DNAH3: variants seen among roughly 807,000 people sequenced by gnomAD.
The protein encoded by DNAH3 is axonemal beta dynein heavy chain 3.
A neutral mutation model predicts 432.5 loss-of-function variants in DNAH3; 332 were observed. The observed-to-expected ratio is 0.77, with a 90% confidence interval of 0.70 to 0.84. DNAH3 has a LOEUF of 0.84. Among genes scored for constraint, DNAH3 ranks in the 40% least tolerant of loss-of-function variants. DNAH3 has a pLI of 0.00. For missense variants in DNAH3, 4,861 were observed against 5,114.0 expected (o/e 0.95, Z 1.51); for synonymous variants, 1,956 against 1,900.2 (o/e 1.03, Z -0.76).
At chr16:20,973,231 C>G (rs531991156) in intron 51 of DNAH3, among the ~76,000 whole-genome samples, 2 of 152,050 alleles carry the variant, frequency 1.3e-5, no homozygotes, top group South Asian at 4.2e-4. Context: ...GCTGTCAACT[C>G]TCATATGCCC....
At position 21,121,839 on chromosome 16, in the gene DNAH3, C is replaced by T; in HGVS notation, c.1584+106G>A. The stretch of plus-strand genomic sequence containing the variant: ...CAGGATATATCTCCAAAGTGAAGCT[C>T]CCTTAACTGAATATCCCAGCGACCT... On this transcript the variant is annotated intron_variant, in intron 10 of 61. Transcript: ENST00000261383. The T allele has an allele frequency of 1.0e-5, 9 of 877,680 alleles. No individual in the cohort carries two copies. The South Asian group carries it at 1.6e-4, about 16-fold the overall frequency. The allele number at this position is 877,680 out of a possible 1,614,324, so 54.4% of individuals were successfully genotyped here. A position where few individuals can be genotyped will look rare whatever the true frequency, so the allele number is the denominator to read the frequency against.
chr16:21,010,128 C>G (rs1249064173), intron 41 of DNAH3, among the ~76,000 whole-genome samples: 1 of 152,154 alleles, frequency 6.6e-6, no homozygotes, highest in African/African-American at 2.4e-5. Context: ...TATCAAACAT[C>G]TAGCATAGTT....
chr16:21,033,185 A>G (rs2088978410), intron 36 of DNAH3, among the ~76,000 whole-genome samples: 1 of 152,206 alleles, frequency 6.6e-6, no homozygotes, highest in African/African-American at 2.4e-5. Context: ...AGGCTAGGAT[A>G]ACCCCCAAAA....
chr16:21,154,051 T>C (rs1038787971), intron 1 of DNAH3, among the ~76,000 whole-genome samples: 1 of 152,230 alleles, frequency 6.6e-6, no homozygotes, highest in Non-Finnish European at 1.5e-5. Flanking sequence ...AGGTCTCCTA[T>C]ACTGGGTGTG....
intron 31 of DNAH3, among the ~76,000 whole-genome samples, chr16:21,045,840 C>T (rs1421447969): frequency 7.0e-6 from 1 of 141,866 alleles, no homozygotes; most frequent in Non-Finnish European, 1.5e-5. Flanking sequence ...CTACACACTG[C>T]TTTGAATGCG....
Position 21,031,291 on chromosome 16 carries a change from G to A in DNAH3, c.5198-5C>T. Reference sequence around the variant, plus strand: ...CAAACTCCTCCATCTGATTGGCTGGGCAAGAAGGTTCAACACCAGTTATAA... The same window carrying A: ...CAAACTCCTCCATCTGATTGGCTGGACAAGAAGGTTCAACACCAGTTATAA... On this transcript the variant is annotated splice_polypyrimidine_tract_variant and splice_region_variant and intron_variant, in intron 36 of 61. Transcript: ENST00000261383. 1.2e-6 allele frequency: 2 copies of A among 1,614,112 alleles called. No homozygotes were observed. Among genetic ancestry groups the A allele is most frequent in the Non-Finnish European group, 1.7e-6 (2 of 1,180,016 alleles).
At chr16:21,041,348 G>A (rs1173016403) in intron 32 of DNAH3, among the ~76,000 whole-genome samples, 1 of 152,092 alleles carries the variant, frequency 6.6e-6, no homozygotes. Context: ...TCCAGCCTGG[G>A]GGACAGAATG....
In DNAH3 at chr16:20,955,464, C is replaced by T. The variant is rs115552920; in HGVS notation, c.10827-407G>A. The stretch of plus-strand genomic sequence containing the variant: ...ACTCTCTGACTCCAAAGCTCCTACT[C>T]TTTTTTTTTTTTTAATGTAGAGATG... On this transcript the variant is annotated intron_variant, in intron 54 of 61. Coordinates refer to ENST00000261383, the Ensembl canonical transcript of DNAH3. Among the ~76,000 whole-genome samples, 780 of 144,192 alleles carry T rather than the reference C, an allele frequency of 5.4e-3. 6 individuals are homozygous for T. The highest frequency in any genetic ancestry group is 0.019 in the African/African-American group (732 of 39,394). 94.6% of individuals were successfully genotyped at this position (144,192 alleles called of 152,430 possible).
In DNAH3 at chr16:20,959,425, G is replaced by A. The variant is rs749058314; in HGVS notation, c.10601-21C>T. 4 of 1,604,804 alleles carry A rather than the reference G, an allele frequency of 2.5e-6. No individual in the cohort carries two copies. The Admixed American group carries it at 6.7e-5, about 27-fold the overall frequency. ...CAGGCCTGAGACCAGGAAGAAAGGA[G>A]GCTTTTGAAAGACGACAGGCCAGCT... On this transcript the variant is annotated intron_variant, in intron 53 of 61. Transcript: ENST00000261383.
At chr16:20,999,875 G>A (rs1236664095) in intron 43 of DNAH3, among the ~76,000 whole-genome samples, 5 of 152,268 alleles carry the variant, frequency 3.3e-5, no homozygotes, top group African/African-American at 4.8e-5. Flanking sequence ...ATCACAAGGT[G>A]TGTGTTGCTT....
At chr16:21,063,542 T>TTA (rs2090440158) in intron 24 of DNAH3, among the ~76,000 whole-genome samples, 1 of 150,810 alleles carries the variant, frequency 6.6e-6, no homozygotes. Flanking sequence ...TTTATTTTTA[T>TTA]TTTTATTTTA....
intron 56 of DNAH3, among the ~76,000 whole-genome samples, chr16:20,951,229 C>T (rs1485721917): frequency 6.6e-6 from 1 of 152,050 alleles, no homozygotes; most frequent in Non-Finnish European, 1.5e-5. Flanking sequence ...GCCATTTCTA[C>T]CTCAGGATCA....
At chr16:21,089,576 G>A (rs922854342) in intron 18 of DNAH3, among the ~76,000 whole-genome samples, 4 of 151,998 alleles carry the variant, frequency 2.6e-5, no homozygotes, top group South Asian at 2.1e-4. Context: ...GAAAATCTCC[G>A]GTGACTAGAA....
chr16:21,138,255 A>G (rs1414716762), intron 5 of DNAH3, among the ~76,000 whole-genome samples: 4 of 151,988 alleles, frequency 2.6e-5, no homozygotes, highest in African/African-American at 7.2e-5. Flanking sequence ...CTCAAAAAAA[A>G]AAAAGAAAAG....
At chr16:20,983,036 G>C in intron 48 of DNAH3, 150 bp from the exon 49 acceptor site, 4 of 728,634 alleles carry the variant, frequency 5.5e-6, no homozygotes, top group East Asian at 2.6e-5. Context: ...GCCATAATGA[G>C]TGCCTGGGAA....
At position 21,105,114 on chromosome 16, in the gene DNAH3, G is replaced by A. The variant is rs191946809; in HGVS notation, c.2285-562C>T. Among the ~76,000 whole-genome samples, 15 of 152,136 alleles carry A rather than the reference G, an allele frequency of 9.9e-5. 1 individual carries two copies. The highest frequency in any genetic ancestry group is 6.2e-4 in the South Asian group (3 of 4,814). On this transcript the variant is annotated intron_variant, in intron 15 of 61. Coordinates refer to ENST00000261383, the Ensembl canonical transcript of DNAH3. ...ACCCTGGGTTTCCTTTGTGAATTTCGGGAGGCAGAGCCCACAGTGAGAGTC... is the reference window on the plus strand; with the variant it reads ...ACCCTGGGTTTCCTTTGTGAATTTCAGGAGGCAGAGCCCACAGTGAGAGTC...
chr16:20,942,846 G>A lies in DNAH3; in HGVS notation c.11512-1303C>T, dbSNP rs190266269. On this transcript the variant is annotated intron_variant, in intron 58 of 61. Coordinates refer to ENST00000261383, the Ensembl canonical transcript of DNAH3. Reference sequence around the variant, plus strand: ...GGATTTTAGGTGTTTCCAGGACACAGAAAAATCATGTTGAGTCACATGGTG... The same window carrying A: ...GGATTTTAGGTGTTTCCAGGACACAAAAAAATCATGTTGAGTCACATGGTG... Among the ~76,000 whole-genome samples, 27 of 152,296 alleles carry A rather than the reference G, an allele frequency of 1.8e-4. No individual in the cohort carries two copies. In the East Asian group the frequency reaches 5.0e-3, roughly 28 times the overall value.
chr16:21,103,425 G>A (rs2152798291), intron 16 of DNAH3, among the ~76,000 whole-genome samples: 1 of 152,006 alleles, frequency 6.6e-6, no homozygotes, highest in South Asian at 2.1e-4. Flanking sequence ...ATTTTGCTGT[G>A]AATCTGAAAC....
At chr16:21,017,636 C>G (rs578008852) in intron 41 of DNAH3, among the ~76,000 whole-genome samples, 2 of 152,100 alleles carry the variant, frequency 1.3e-5, no homozygotes, top group Non-Finnish European at 2.9e-5. Flanking sequence ...TTGTTGTCAG[C>G]GCCTCCTGAG....
Sources: gnomAD v4.1 joint callset for allele counts (sites outside exome capture counted in the v4.1 genomes callset) on GRCh38, gnomAD v4.1.1 for gene constraint, MANE v1.5 for transcripts, NCBI Gene and HGNC (gene_info 2026-07-23, HGNC 2026-07-21) for gene names.